Variants in FOXP1 observed in about 807,000 individuals in gnomAD.
FOXP1 encodes forkhead box protein P1.
A neutral mutation model predicts 98.2 loss-of-function variants in FOXP1; 15 were observed. That is an observed-to-expected ratio of 0.15 (90% confidence interval 0.10 to 0.24). The LOEUF is 0.24. Among genes scored for constraint, FOXP1 ranks in the 10% least tolerant of loss-of-function variants. The pLI, the probability that FOXP1 is intolerant of heterozygous loss-of-function variation, is 1.00. For synonymous variants in FOXP1, 371 were observed against 314.5 expected (o/e 1.18, Z -1.90); for missense variants, 633 against 848.5 (o/e 0.75, Z 3.15).
intron 3 of FOXP1, among the ~76,000 whole-genome samples, chr3:71,396,922 A>G (rs1263697111): frequency 1.0e-5 from 1 of 97,582 alleles, no homozygotes. Context: ...ATGTGTGTAT[A>G]TATATATATA....
intron 2 of FOXP1, among the ~76,000 whole-genome samples, chr3:71,495,758 C>T (rs576792085): frequency 1.3e-5 from 2 of 152,268 alleles, no homozygotes; most frequent in East Asian, 1.9e-4. Flanking sequence ...CCAGCCAATA[C>T]CCTAATATAA....
At chr3:71,527,499 C>T (rs1254584627) in intron 2 of FOXP1, among the ~76,000 whole-genome samples, 1 of 152,188 alleles carries the variant, frequency 6.6e-6, no homozygotes, top group Admixed American at 6.5e-5. Context: ...GAGACGATCT[C>T]TCACCCAAAA....
intron 4 of FOXP1, among the ~76,000 whole-genome samples, chr3:71,331,524 C>T (rs968235718): frequency 3.9e-5 from 6 of 152,262 alleles, no homozygotes; most frequent in African/African-American, 9.6e-5. Flanking sequence ...CCTGCGGCCC[C>T]GGTGCGGGAT....
chr3:71,290,810 G>A (rs748332080), intron 5 of FOXP1, among the ~76,000 whole-genome samples: 7 of 152,054 alleles, frequency 4.6e-5, no homozygotes, highest in Non-Finnish European at 1.0e-4. Context: ...TTCAGATTTG[G>A]GATTTTGGGG....
intron 2 of FOXP1, among the ~76,000 whole-genome samples, chr3:71,556,576 C>CAA (rs757217111): frequency 0.073 from 2,161 of 29,698 alleles, 273 homozygotes; most frequent in Non-Finnish European, 0.11. Flanking sequence ...GACTCCGTCT[C>CAA]AAAAAAAAAA....
chr3:71,001,153 GT>G (rs1299154663), intron 12 of FOXP1, 94 bp from the exon 13 acceptor site: 1 of 924,660 alleles, frequency 1.1e-6, no homozygotes, highest in Non-Finnish European at 1.7e-6. Flanking sequence ...TAGGCAGCGG[GT>G]CTAGCTCCCA....
intron 2 of FOXP1, among the ~76,000 whole-genome samples, chr3:71,534,066 C>A (rs1031206704): frequency 2.6e-5 from 4 of 152,160 alleles, no homozygotes; most frequent in African/African-American, 9.7e-5. Flanking sequence ...GTCAGCCCTG[C>A]AAAACCCTCA....
intron 5 of FOXP1, among the ~76,000 whole-genome samples, chr3:71,272,630 T>C (rs1363483231): frequency 6.6e-6 from 1 of 151,692 alleles, no homozygotes; most frequent in Non-Finnish European, 1.5e-5. Flanking sequence ...AGAAATTCAT[T>C]TCTCAGTCCT....
chr3:70,984,581 T>C (rs2107450020), intron 14 of FOXP1, among the ~76,000 whole-genome samples: 1 of 152,232 alleles, frequency 6.6e-6, no homozygotes, highest in Non-Finnish European at 1.5e-5. Context: ...TTGTCACGTA[T>C]GTCACATGCT....
rs1288953294 is a variant in FOXP1, at chr3:70,955,649, A to C, written c.*3598T>G. 8.6e-6 allele frequency: 2 copies of C among 233,468 alleles called. No homozygotes were observed. The highest frequency in any genetic ancestry group is 4.4e-5 in the African/African-American group (2 of 45,300). The allele number at this position is 233,468 out of a possible 1,614,324, so 14.5% of individuals were successfully genotyped here. A position where few individuals can be genotyped will look rare whatever the true frequency, so the allele number is the denominator to read the frequency against. On this transcript the variant is annotated 3_prime_UTR_variant, in exon 21 of 21. Coordinates refer to ENST00000649528, the MANE Select transcript of FOXP1 (RefSeq NM_001349338.3). ...CACTACTTCACTGATAAACTTGGAA[A>C]AGTGTGACCCTGGAATTTCATCATG...
intron 7 of FOXP1, among the ~76,000 whole-genome samples, chr3:71,111,360 T>C (rs1027509928): frequency 4.6e-5 from 7 of 152,310 alleles, no homozygotes; most frequent in African/African-American, 1.7e-4. Context: ...AAACTTCTAT[T>C]ACAATTTTCT....
chr3:71,224,950 T>G (rs1448301379), intron 5 of FOXP1, among the ~76,000 whole-genome samples: 1 of 152,218 alleles, frequency 6.6e-6, no homozygotes, highest in Non-Finnish European at 1.5e-5. Flanking sequence ...ATATTTTGAA[T>G]GAGTGAATGA....
At chr3:71,490,432 AG>A (rs2090978966) in intron 3 of FOXP1, among the ~76,000 whole-genome samples, 1 of 151,998 alleles carries the variant, frequency 6.6e-6, no homozygotes, top group Admixed American at 6.6e-5. Context: ...CAGGAAGTGG[AG>A]GTTGCAGTGA....
At chr3:71,143,035 A>G (rs2060145461) in intron 6 of FOXP1, among the ~76,000 whole-genome samples, 1 of 152,102 alleles carries the variant, frequency 6.6e-6, no homozygotes, top group Non-Finnish European at 1.5e-5. Context: ...GACCCAGGGG[A>G]GCAATCGCTT....
At chr3:71,267,526 G>C (rs2069817199) in intron 5 of FOXP1, among the ~76,000 whole-genome samples, 1 of 152,176 alleles carries the variant, frequency 6.6e-6, no homozygotes, top group Non-Finnish European at 1.5e-5. Flanking sequence ...TGCTGATGTT[G>C]AGGACCAAAA....
intron 2 of FOXP1, among the ~76,000 whole-genome samples, chr3:71,538,578 GTCTCCACTCTTTGGCTATTATAAA>G (rs1453397179): frequency 6.6e-6 from 1 of 152,162 alleles, no homozygotes; most frequent in African/African-American, 2.4e-5. Context: ...CATCTGAGTT[GTCTCCACTCTTTGGCTATTATAAA>G]TCATTCTCCT....
chr3:71,575,355 A>G (rs1310250017), intron 2 of FOXP1, among the ~76,000 whole-genome samples: 1 of 152,220 alleles, frequency 6.6e-6, no homozygotes, highest in Non-Finnish European at 1.5e-5. Flanking sequence ...AGCATGCATC[A>G]GAATTATCAA....
intron 3 of FOXP1, among the ~76,000 whole-genome samples, chr3:71,383,577 T>C (rs1020267200): frequency 2.0e-5 from 3 of 152,198 alleles, no homozygotes; most frequent in Non-Finnish European, 4.4e-5. Context: ...ATATGTCTTT[T>C]TCTATGCAAA....
intron 3 of FOXP1, among the ~76,000 whole-genome samples, chr3:71,425,185 G>A (rs959353697): frequency 5.9e-5 from 9 of 151,902 alleles, no homozygotes; most frequent in Non-Finnish European, 1.0e-4. Context: ...GCACAATCTC[G>A]GCTCACTGTA....
Sources: allele counts gnomAD v4.1 joint callset (sites outside exome capture counted in the v4.1 genomes callset), GRCh38; gene constraint gnomAD v4.1.1; transcripts MANE v1.5; gene names NCBI Gene and HGNC (gene_info 2026-07-23, HGNC 2026-07-21).